The following MTUS2 variants were observed in gnomAD, a reference collection of about 807,000 sequenced individuals.
MTUS2 encodes the protein microtubule-associated tumor suppressor candidate 2.
In MTUS2, 40 loss-of-function variants were observed where a neutral mutation model predicts 114.1. That is an observed-to-expected ratio of 0.35 (90% CI 0.27 to 0.46). The LOEUF is 0.46. Among genes scored for constraint, MTUS2 ranks in the 20% least tolerant of loss-of-function variants. The pLI is 1.00. For synonymous variants in MTUS2, 688 were observed against 672.0 expected (o/e 1.02, Z -0.37); for missense variants, 1,679 against 1,705.4 (o/e 0.98, Z 0.27).
Position 29,440,646 on chromosome 13 carries a change from A to G in MTUS2, c.3184+597A>G, listed in dbSNP as rs535355736. Among the ~76,000 whole-genome samples, 37 of 152,088 alleles carry G rather than the reference A, an allele frequency of 2.4e-4. No homozygotes were observed. In the South Asian group the frequency reaches 7.5e-3, roughly 31 times the overall value. On this transcript the variant is annotated intron_variant, in intron 9 of 15. Coordinates refer to ENST00000612955, the MANE Select transcript of MTUS2 (RefSeq NM_001033602.4). ...TGCCATATTCTCATTGCTTGATCCC[A>G]TCTTCCCTCTCGACCATCTGTTATT...
chr13:29,294,069 A>G (rs549002214), intron 6 of MTUS2, among the ~76,000 whole-genome samples: 105 of 152,262 alleles, frequency 6.9e-4, no homozygotes, highest in African/African-American at 2.4e-3. Context: ...ATATATACAG[A>G]TAATTGAATA....
At chr13:29,083,728 G>GT (rs1889546991) in intron 4 of MTUS2, among the ~76,000 whole-genome samples, 1 of 152,162 alleles carries the variant, frequency 6.6e-6, no homozygotes, top group Non-Finnish European at 1.5e-5. Flanking sequence ...GTACTTGTAA[G>GT]TTTCTGTTTA....
chr13:28,939,403 G>A (rs1882100374), intron 2 of MTUS2, among the ~76,000 whole-genome samples: 1 of 152,136 alleles, frequency 6.6e-6, no homozygotes, highest in Non-Finnish European at 1.5e-5. Context: ...TGTGTAAAAG[G>A]GAATTTTCAT....
At chr13:29,042,113 G>T (rs1430251715) in intron 4 of MTUS2, among the ~76,000 whole-genome samples, 1 of 152,058 alleles carries the variant, frequency 6.6e-6, no homozygotes, top group Non-Finnish European at 1.5e-5. Flanking sequence ...TGTCATAGAT[G>T]GCTTTTATTA....
chr13:29,097,554 A>G (rs1056953128), intron 4 of MTUS2, among the ~76,000 whole-genome samples: 2 of 152,248 alleles, frequency 1.3e-5, no homozygotes, highest in African/African-American at 4.8e-5. Context: ...ATATTCCTCT[A>G]ACATGCTAAA....
At chr13:29,164,816 C>T (rs1201082065) in intron 5 of MTUS2, among the ~76,000 whole-genome samples, 4 of 152,070 alleles carry the variant, frequency 2.6e-5, no homozygotes, top group Non-Finnish European at 2.9e-5. Flanking sequence ...TTAAGTAAAA[C>T]TGTTTTAAAA....
At chr13:29,021,737 C>CCACA (rs1432731146) in intron 2 of MTUS2, among the ~76,000 whole-genome samples, 1 of 152,180 alleles carries the variant, frequency 6.6e-6, no homozygotes, top group Admixed American at 6.5e-5. Context: ...ATTGATTTGC[C>CCACA]TACATGCTTT....
chr13:29,370,071 T>C (rs1349971738), intron 8 of MTUS2, among the ~76,000 whole-genome samples: 2 of 152,228 alleles, frequency 1.3e-5, no homozygotes, highest in Non-Finnish European at 2.9e-5. Context: ...GAGATCTGGC[T>C]AGGCATAGTG....
Position 29,440,022 on chromosome 13 carries a change from G to T in MTUS2, c.3157G>T (p.Glu1053Ter). 1 of 1,589,142 alleles carries T rather than the reference G, an allele frequency of 6.3e-7. No individual in the cohort carries two copies. Among genetic ancestry groups the T allele is most frequent in the South Asian group, 1.2e-5 (1 of 86,904 alleles). The change falls in exon 9 of 16, where the codon GAA becomes TAA. Residue 1053 changes from glutamate (E) to a stop codon, truncating the protein, a stop_gained. Coordinates refer to ENST00000612955, the MANE Select transcript of MTUS2 (RefSeq NM_001033602.4). LOFTEE classifies it high-confidence loss of function. Reference sequence around the variant, plus strand: ...TGTGAAAGAAAAAGAGCTGTCAATCGAACTTGCAAACATCAGGGATGAAGT... The same window carrying T: ...TGTGAAAGAAAAAGAGCTGTCAATCTAACTTGCAAACATCAGGGATGAAGT... The part of the protein sequence containing the change: ...ALVKEKELSI[E>*]LANIRDEVAF...
chr13:29,080,000 A>C (rs1383686398), intron 4 of MTUS2, among the ~76,000 whole-genome samples: 1 of 151,880 alleles, frequency 6.6e-6, no homozygotes, highest in East Asian at 1.9e-4. Flanking sequence ...TTGCCATCTT[A>C]ACAATATTAA....
At chr13:29,097,484 G>A (rs1052711311) in intron 4 of MTUS2, among the ~76,000 whole-genome samples, 7 of 152,066 alleles carry the variant, frequency 4.6e-5, no homozygotes, top group African/African-American at 1.7e-4. Context: ...TGTAACATTT[G>A]TATTTCTGTC....
chr13:29,122,681 C>T (rs914742961), intron 5 of MTUS2, among the ~76,000 whole-genome samples: 2 of 152,132 alleles, frequency 1.3e-5, no homozygotes, highest in African/African-American at 4.8e-5. Context: ...TAAATCAGCC[C>T]TCACCCTGTG....
chr13:29,037,626 TC>T (rs1196897638), intron 4 of MTUS2, among the ~76,000 whole-genome samples: 1 of 152,218 alleles, frequency 6.6e-6, no homozygotes, highest in Non-Finnish European at 1.5e-5. Flanking sequence ...GGTTCCATTC[TC>T]CCCGTCATTT....
intron 2 of MTUS2, among the ~76,000 whole-genome samples, chr13:28,958,094 C>T (rs1883156382): frequency 6.6e-6 from 1 of 152,202 alleles, no homozygotes; most frequent in African/African-American, 2.4e-5. Flanking sequence ...GTTGGCTGTG[C>T]TCTAACAGTA....
intron 2 of MTUS2, among the ~76,000 whole-genome samples, chr13:28,944,498 T>C (rs959091730): frequency 6.6e-6 from 1 of 152,244 alleles, no homozygotes; most frequent in Non-Finnish European, 1.5e-5. Context: ...ATTTGTTCAA[T>C]GTTTCCCATT....
At chr13:28,859,878 G>C (rs1876864105) in intron 2 of MTUS2, among the ~76,000 whole-genome samples, 2 of 151,772 alleles carry the variant, frequency 1.3e-5, no homozygotes, top group South Asian at 4.2e-4. Context: ...GAGGCCTGAC[G>C]AGAGAGAGAG....
At chr13:29,183,602 T>C (rs1209476592) in intron 5 of MTUS2, among the ~76,000 whole-genome samples, 2 of 152,030 alleles carry the variant, frequency 1.3e-5, no homozygotes, top group Non-Finnish European at 2.9e-5. Context: ...GAAAAGAGAA[T>C]GTTCAAGGGA....
rs376294314 is a variant in MTUS2, at chr13:29,202,643, T to A, written c.2645-79061T>A. 3.9e-4 allele frequency among the ~76,000 whole-genome samples: 60 copies of A among 152,328 alleles called. No individual in the cohort carries two copies. The Middle Eastern group carries it at 0.01, about 26-fold the overall frequency. Reference sequence around the variant, plus strand: ...GCTGGTTTTTCCTCATCTTCATGGATTATCTACCTTTGGTCTTTGATGTTG... The same window carrying A: ...GCTGGTTTTTCCTCATCTTCATGGAATATCTACCTTTGGTCTTTGATGTTG... On this transcript the variant is annotated intron_variant, in intron 5 of 15. Transcript: ENST00000612955.
chr13:29,015,218 G>C (rs1228861823), intron 2 of MTUS2, among the ~76,000 whole-genome samples: 3 of 152,200 alleles, frequency 2.0e-5, no homozygotes, highest in Non-Finnish European at 2.9e-5. Flanking sequence ...AGTAAAAATG[G>C]TGATAACTGT....
Sources: gnomAD v4.1 joint callset for allele counts (sites outside exome capture counted in the v4.1 genomes callset) on GRCh38, gnomAD v4.1.1 for gene constraint, MANE v1.5 for transcripts, NCBI Gene and HGNC (gene_info 2026-07-23, HGNC 2026-07-21) for gene names.